Variants in PCNX2 observed in about 807,000 individuals in gnomAD.
PCNX2 encodes pecanex-like protein 2.
In PCNX2, 168 loss-of-function variants were observed where a neutral mutation model predicts 223.8. The ratio of observed to expected loss-of-function variants is 0.75; its 90% CI spans 0.66 to 0.85. PCNX2 has a LOEUF of 0.85. PCNX2 is among the 40% of genes least tolerant of loss of function. The pLI is 0.00. For synonymous variants in PCNX2, 1,006 were observed against 1,052.6 expected (o/e 0.96, Z 0.86); for missense variants, 2,507 against 2,675.5 (o/e 0.94, Z 1.39).
At chr1:233,101,131 T>C (rs1040036697) in intron 21 of PCNX2, among the ~76,000 whole-genome samples, 13 of 152,166 alleles carry the variant, frequency 8.5e-5, no homozygotes, top group Admixed American at 6.5e-4. Flanking sequence ...CGTTAATGAA[T>C]TGAGGAGGGA....
chr1:233,290,404 A>C (rs115224506), intron 1 of PCNX2, among the ~76,000 whole-genome samples: 2,223 of 152,332 alleles, frequency 0.015, 49 homozygotes, highest in South Asian at 0.04. Flanking sequence ...AAAGGTGATA[A>C]AGCAAGTAGA....
chr1:233,067,984 G>A (rs1054802155), intron 23 of PCNX2, among the ~76,000 whole-genome samples: 3 of 152,114 alleles, frequency 2.0e-5, no homozygotes, highest in African/African-American at 7.2e-5. Context: ...AGAGAAGTTG[G>A]AAGTAAAGTT....
chr1:233,054,569 T>TTTACCCTTAATCAGATG, intron 24 of PCNX2, 86 bp from the exon 25 acceptor site: 1 of 1,100,196 alleles, frequency 9.1e-7, no homozygotes, highest in African/African-American at 1.6e-5. Flanking sequence ...GTCATCTGAT[T>TTTACCCTTAATCAGATG]AAGGGTAAAA....
At chr1:233,235,420 G>A (rs1658325646) in intron 9 of PCNX2, among the ~76,000 whole-genome samples, 1 of 151,938 alleles carries the variant, frequency 6.6e-6, no homozygotes. Flanking sequence ...CAAAGTGTTG[G>A]GATTACAGGT....
intron 15 of PCNX2, 61 bp downstream of exon 15, chr1:233,198,878 T>A: frequency 7.0e-7 from 1 of 1,436,100 alleles, no homozygotes; most frequent in Non-Finnish European, 9.6e-7. Context: ...TTCATTTGTT[T>A]AAAAAAATAA....
upstream of PCNX2, among the ~76,000 whole-genome samples, chr1:233,297,177 C>T (rs1662168471): frequency 6.6e-6 from 1 of 152,186 alleles, no homozygotes; most frequent in African/African-American, 2.4e-5. Flanking sequence ...AGCGCCGTCA[C>T]GTGCATGGGT....
Position 233,161,318 on chromosome 1 carries a change from C to A in PCNX2, c.3319G>T (p.Val1107Phe), listed in dbSNP as rs1401631705. Reference protein sequence around the residue: ...WDLIVCAVVAVLSFAVSASTV... With the variant: ...WDLIVCAVVAFLSFAVSASTV... ...CTGGCGCTGACTGCAAATGAGAGGACAGCAACCACTGCGCAGACGATGAGA... is the reference window on the plus strand; with the variant it reads ...CTGGCGCTGACTGCAAATGAGAGGAAAGCAACCACTGCGCAGACGATGAGA... The change falls in exon 18 of 34, where the codon GTC (valine) becomes TTC (phenylalanine). Residue 1107 changes from valine to phenylalanine, a missense_variant. By Grantham distance (50) the Val-to-Phe change is conservative. Transcript: ENST00000258229. The A allele has an allele frequency of 6.2e-7, 1 of 1,613,908 alleles. No individual in the cohort carries two copies. Among genetic ancestry groups the A allele is most frequent in the South Asian group, 1.1e-5 (1 of 91,066 alleles).
At chr1:232,986,025 C>T (rs773357007) in intron 33 of PCNX2, 67 bp downstream of exon 33, 1 of 1,516,576 alleles carries the variant, frequency 6.6e-7, no homozygotes, top group South Asian at 1.2e-5. Flanking sequence ...AGGCAGGTGC[C>T]ACGCTCAGGC....
At chr1:233,213,186 T>C (rs924306040) in intron 12 of PCNX2, among the ~76,000 whole-genome samples, 3 of 152,296 alleles carry the variant, frequency 2.0e-5, no homozygotes, top group Admixed American at 6.5e-5. Context: ...AGTATCCACC[T>C]CACCCTATAT....
Position 233,253,621 on chromosome 1 carries a change from C to G in PCNX2, c.1835-833G>C, listed in dbSNP as rs1448091599. On this transcript the variant is annotated intron_variant, in intron 5 of 33. Coordinates refer to ENST00000258229, the MANE Select transcript of PCNX2 (RefSeq NM_014801.4). The surrounding 1 kb of genome is among the most constrained non-coding windows in gnomAD (Gnocchi z 4.2). ...TCAGCCTCCTGAAGTACTGGGATTA[C>G]AGGCATGAGCCACCACACCCGGCCT... Among the ~76,000 whole-genome samples the G allele has an allele frequency of 6.6e-6, 1 of 152,218 alleles. No individual in the cohort carries two copies. Among genetic ancestry groups the G allele is most frequent in the Non-Finnish European group, 1.5e-5 (1 of 68,034 alleles).
intron 1 of PCNX2, among the ~76,000 whole-genome samples, chr1:233,267,122 C>G (rs1226713691): frequency 6.6e-6 from 1 of 152,028 alleles, no homozygotes; most frequent in Non-Finnish European, 1.5e-5. Flanking sequence ...AGTTCAAGAC[C>G]AGCCTGGCCA....
chr1:233,231,741 C>T (rs1658075575), intron 9 of PCNX2: 2 of 877,116 alleles, frequency 2.3e-6, no homozygotes, highest in Admixed American at 1.2e-4. Context: ...ACTGGGAAGG[C>T]AGGGTTGGTA....
chr1:233,305,862 A>G, the PCNX2 span, among the ~76,000 whole-genome samples: 2 of 152,258 alleles, frequency 1.3e-5, no homozygotes, highest in African/African-American at 4.8e-5. Context: ...ACAAAAACAC[A>G]CATGACATAT....
At chr1:233,251,734 C>T (rs990043102) in intron 7 of PCNX2, among the ~76,000 whole-genome samples, 5 of 152,194 alleles carry the variant, frequency 3.3e-5, no homozygotes, top group Admixed American at 3.3e-4. Context: ...GATCCTTTTG[C>T]GAGTAAAATA....
intron 19 of PCNX2, among the ~76,000 whole-genome samples, chr1:233,158,082 C>A (rs1246431068): frequency 6.6e-6 from 1 of 151,906 alleles, no homozygotes. Context: ...GAATCTTGTA[C>A]TAAAAAGAGC....
chr1:233,252,468 A>C lies in PCNX2; in HGVS notation c.2014T>G (p.Tyr672Asp), dbSNP rs777711274. Residue 672 changes from tyrosine to aspartate, a missense_variant, in exon 7 of 34, where the codon TAC (tyrosine) becomes GAC (aspartate). This residue lies in a region of PCNX2 where 1,031 missense variants were observed against 1,021.7 expected (regional missense o/e 1.01). Coordinates refer to ENST00000258229, the MANE Select transcript of PCNX2 (RefSeq NM_014801.4). ...CTATCTTGTTGGGAAGTTACCCTGT[A>C]GATTATCTGTCTTTGTCTATTGCCC... ...FQGNRQRQII[Y>D]RVTSQQDSSV... is the part of the protein sequence containing the mutation. 2 of 1,612,982 alleles carry C rather than the reference A, an allele frequency of 1.2e-6. No homozygotes were observed. The highest frequency in any genetic ancestry group is 2.2e-5 in the South Asian group (2 of 90,940).
intron 21 of PCNX2, among the ~76,000 whole-genome samples, chr1:233,117,940 G>A (rs1455218587): frequency 1.3e-5 from 2 of 149,746 alleles, no homozygotes; most frequent in Non-Finnish European, 3.0e-5. Context: ...AACCCGGGAG[G>A]CGGAGCTTGC....
chr1:233,296,717 C>T (rs913273534), upstream of PCNX2, among the ~76,000 whole-genome samples: 9 of 152,154 alleles, frequency 5.9e-5, no homozygotes, highest in African/African-American at 2.2e-4. Flanking sequence ...TCATCCTTAC[C>T]TGGTCTGTCC....
chr1:232,998,784 T>C (rs1232523936), intron 31 of PCNX2, among the ~76,000 whole-genome samples: 2 of 152,242 alleles, frequency 1.3e-5, no homozygotes, highest in African/African-American at 4.8e-5. Flanking sequence ...AAATGTGTGC[T>C]GGGGATGTTC....
Sources: gnomAD v4.1 joint callset for allele counts (sites outside exome capture counted in the v4.1 genomes callset) on GRCh38, gnomAD v4.1.1 for gene constraint, gnomAD v4.1.1 regional missense constraint, Gnocchi (gnomAD v3.1) non-coding constraint, MANE v1.5 for transcripts, NCBI Gene and HGNC (gene_info 2026-07-23, HGNC 2026-07-21) for gene names.